The following ITPR1 variants were observed in gnomAD, a reference collection of about 807,000 sequenced individuals.
ITPR1 encodes inositol 1,4,5-trisphosphate receptor type 1.
Under a neutral mutation model 318.4 loss-of-function variants are expected in ITPR1, and 96 were observed. The ratio of observed to expected loss-of-function variants is 0.30; its 90% confidence interval spans 0.26 to 0.36. ITPR1 has a LOEUF of 0.36. ITPR1 is among the 10% of genes least tolerant of loss of function. The pLI is 1.00. For missense variants in ITPR1, 2,440 were observed against 3,460.2 expected, an observed-to-expected ratio of 0.71 and a Z score of 7.40; for synonymous variants, 1,312 against 1,289.9, an observed-to-expected ratio of 1.02 and a Z score of -0.37.
Position 4,836,758 on chromosome 3 carries a change from TTAATGTGG to T in ITPR1, c.8029-15_8029-8del. On this transcript the variant is annotated splice_region_variant and splice_polypyrimidine_tract_variant and intron_variant, in intron 60 of 61. Coordinates refer to ENST00000649015, the MANE Select transcript of ITPR1 (RefSeq NM_001378452.1). ...GTCTTTTTTTTTTTTTTTTTTTTTT[TTAATGTGG>T]ATTCTAGGAAAGAAACCTTGACTGG... 7.6e-7 allele frequency: 1 copy of T among 1,308,872 alleles called. No homozygotes were observed. Among genetic ancestry groups the T allele is most frequent in the Non-Finnish European group, 9.8e-7 (1 of 1,016,064 alleles). 81.1% of individuals were successfully genotyped at this position (1,308,872 alleles called of 1,614,324 possible). A position where few individuals can be genotyped will look rare whatever the true frequency, so the allele number is the denominator to read the frequency against.
chr3:4,669,593 G>T, intron 18 of ITPR1, 61 bp from the exon 19 acceptor site: 1 of 1,518,946 alleles, frequency 6.6e-7, no homozygotes, highest in South Asian at 1.2e-5. Flanking sequence ...GAAGAATTGG[G>T]GTCCAGGAGC....
chr3:4,702,108 A>G (rs956331521), intron 35 of ITPR1, among the ~76,000 whole-genome samples: 3 of 150,470 alleles, frequency 2.0e-5, no homozygotes, highest in Middle Eastern at 3.2e-3. Flanking sequence ...GACCAAAACT[A>G]TAATTTTTTA....
At chr3:4,557,745 A>C (rs1422099659) in intron 4 of ITPR1, among the ~76,000 whole-genome samples, 3 of 152,094 alleles carry the variant, frequency 2.0e-5, no homozygotes, top group Admixed American at 2.0e-4. Context: ...TCCTATATCA[A>C]AGTTATAGTG....
intron 4 of ITPR1, among the ~76,000 whole-genome samples, chr3:4,606,376 G>A (rs1216089841): frequency 6.6e-6 from 1 of 152,076 alleles, no homozygotes; most frequent in Non-Finnish European, 1.5e-5. Context: ...CTGGTAACAT[G>A]GGAATACAAT....
At chr3:4,526,980 C>G (rs113046175) in intron 4 of ITPR1, among the ~76,000 whole-genome samples, 74 of 152,300 alleles carry the variant, frequency 4.9e-4, no homozygotes, top group African/African-American at 1.7e-3. Context: ...TAGTATAAAA[C>G]CTGGCCTACT....
chr3:4,749,725 C>T (rs2044362281), intron 44 of ITPR1: 1 of 152,504 alleles, frequency 6.6e-6, no homozygotes, highest in Non-Finnish European at 1.5e-5. Flanking sequence ...GGGAAAAGTT[C>T]CCATGGTAAC....
At chr3:4,649,694 G>T (rs78619297) in intron 10 of ITPR1, among the ~76,000 whole-genome samples, 10,125 of 152,104 alleles carry the variant, frequency 0.067, 456 homozygotes, top group Non-Finnish European at 0.097. Context: ...ATCATAAACT[G>T]GGTTGCTTAT....
At chr3:4,790,116 GGTTTTCA>G (rs2047459610) in intron 52 of ITPR1, among the ~76,000 whole-genome samples, 1 of 152,166 alleles carries the variant, frequency 6.6e-6, no homozygotes, top group Non-Finnish European at 1.5e-5. Flanking sequence ...ATGACAAAAA[GGTTTTCA>G]CCTTTTCTGG....
At chr3:4,668,418 C>T (rs1053401145) in intron 18 of ITPR1, among the ~76,000 whole-genome samples, 8 of 152,020 alleles carry the variant, frequency 5.3e-5, no homozygotes, top group African/African-American at 1.9e-4. Context: ...TGACCTCCTC[C>T]AGTTCCATCC....
chr3:4,648,559 C>A (rs1214811152), intron 10 of ITPR1, among the ~76,000 whole-genome samples: 1 of 152,188 alleles, frequency 6.6e-6, no homozygotes, highest in East Asian at 1.9e-4. Flanking sequence ...CCTGTAATCC[C>A]AGCACTTTGG....
chr3:4,619,487 T>A (rs747347349), intron 4 of ITPR1, among the ~76,000 whole-genome samples: 20 of 146,196 alleles, frequency 1.4e-4, no homozygotes, highest in Non-Finnish European at 2.1e-4. Flanking sequence ...CTCTCCTCAC[T>A]CCTCCCTCTC....
intron 4 of ITPR1, among the ~76,000 whole-genome samples, chr3:4,557,072 C>T (rs1045820576): frequency 2.0e-5 from 3 of 152,146 alleles, no homozygotes; most frequent in Admixed American, 6.5e-5. Context: ...CAATTGATGA[C>T]TTGAGCCCAG....
chr3:4,798,322 G>T (rs1288762978), intron 53 of ITPR1, among the ~76,000 whole-genome samples: 2 of 152,246 alleles, frequency 1.3e-5, no homozygotes, highest in East Asian at 3.8e-4. Flanking sequence ...AGAAGAAGAT[G>T]TATGAATGGC....
At chr3:4,694,114 A>G (rs896840548) in intron 33 of ITPR1, among the ~76,000 whole-genome samples, 3 of 152,096 alleles carry the variant, frequency 2.0e-5, no homozygotes, top group African/African-American at 7.2e-5. Context: ...TTAATTCTTT[A>G]AAACAAAAAC....
intron 44 of ITPR1, chr3:4,750,219 T>C (rs906567150): frequency 3.3e-5 from 5 of 152,138 alleles, no homozygotes; most frequent in Admixed American, 2.6e-4. Flanking sequence ...TACCTGCTGT[T>C]GTTGTTTTAG....
At chr3:4,512,302 G>A (rs2081894005) in intron 2 of ITPR1, among the ~76,000 whole-genome samples, 1 of 152,180 alleles carries the variant, frequency 6.6e-6, no homozygotes. Flanking sequence ...TTTGAACAAA[G>A]AATAGGCTCT....
intron 29 of ITPR1, 59 bp downstream of exon 29, chr3:4,684,405 G>C: frequency 8.2e-7 from 1 of 1,215,522 alleles, no homozygotes; most frequent in Admixed American, 1.9e-5. Context: ...AGGAGCTTTA[G>C]TTTGTGATAG....
At chr3:4,753,972 G>T (rs773533897) in intron 44 of ITPR1, among the ~76,000 whole-genome samples, 1 of 145,964 alleles carries the variant, frequency 6.9e-6, no homozygotes, top group African/African-American at 2.5e-5. Context: ...ACCCCTATGC[G>T]TATGTTTCTA....
chr3:4,840,911 C>T (rs1286304159), intron 61 of ITPR1, among the ~76,000 whole-genome samples: 5 of 152,172 alleles, frequency 3.3e-5, no homozygotes, highest in Admixed American at 2.0e-4. Flanking sequence ...TATAGGACAG[C>T]GACCATTATT....
Sources: allele counts gnomAD v4.1 joint callset (sites outside exome capture counted in the v4.1 genomes callset), GRCh38; gene constraint gnomAD v4.1.1; transcripts MANE v1.5; gene names NCBI Gene and HGNC (gene_info 2026-07-23, HGNC 2026-07-21).